The following TMEM168 variants were observed in gnomAD, a reference collection of about 807,000 sequenced individuals.
TMEM168 encodes transmembrane protein 168.
TMEM168 carries 40 observed loss-of-function variants against 53.2 expected under a neutral mutation model. That is an observed-to-expected ratio of 0.75 (90% confidence interval 0.58 to 0.98). The LOEUF (loss-of-function observed/expected upper bound fraction) is 0.98, where lower values mean the gene tolerates loss of function less well. TMEM168 is among the 50% of genes least tolerant of loss of function. TMEM168 has a pLI of 0.00. For missense variants in TMEM168, 771 were observed against 828.8 expected (o/e 0.93, Z 0.86); for synonymous variants, 282 against 293.0 (o/e 0.96, Z 0.38).
At chr7:112,780,085 G>A (rs1219945017) in intron 2 of TMEM168, among the ~76,000 whole-genome samples, 1 of 152,174 alleles carries the variant, frequency 6.6e-6, no homozygotes, top group Non-Finnish European at 1.5e-5. Flanking sequence ...TAATTTTAAA[G>A]TCAAATGACT....
rs1197810254 is a variant in TMEM168, at chr7:112,784,722, T to C, written c.104A>G (p.Tyr35Cys). 1 of 1,614,006 alleles carries C rather than the reference T, an allele frequency of 6.2e-7. No homozygotes were observed. The highest frequency in any genetic ancestry group is 8.5e-7 in the Non-Finnish European group (1 of 1,179,988). The stretch of plus-strand genomic sequence containing the variant: ...ATTGATTCTGGCTAAATAGCCAAGA[T>C]ACCGCACTGAAGAATGCATGTTCAC... ...REVNMHSSVR[Y>C]LGYLARINLL... Residue 35 changes from tyrosine (Y) to cysteine (C), a missense_variant, in exon 2 of 5, where the codon TAT becomes TGT. Physicochemically the swap from Tyr to Cys is radical, Grantham distance 194. Coordinates refer to ENST00000312814, the MANE Select transcript of TMEM168 (RefSeq NM_022484.6).
chr7:112,767,695 C>A lies in TMEM168; in HGVS notation c.1596G>T (p.Lys532Asn). The change falls in exon 5 of 5, where the codon AAG becomes AAT. Residue 532 changes from lysine (K) to asparagine (N), a missense_variant. By Grantham distance (94) the Lys-to-Asn change is moderately conservative (BLOSUM62 0). Coordinates refer to ENST00000312814, the MANE Select transcript of TMEM168 (RefSeq NM_022484.6). The stretch of plus-strand genomic sequence containing the variant: ...TAAGCCGGGAACAAAAGGAACCATT[C>A]TTTTCTCTCCACCATTCTATAAGTG... ...LDTLIEWWRE[K>N]NGSFCSRLII... 6.2e-7 allele frequency: 1 copy of A among 1,613,854 alleles called. No individual in the cohort carries two copies. Among genetic ancestry groups the A allele is most frequent in the Non-Finnish European group, 8.5e-7 (1 of 1,179,942 alleles).
At position 112,783,899 on chromosome 7, in the gene TMEM168, A is replaced by T; in HGVS notation, c.927T>A (p.His309Gln). 1 of 1,597,530 alleles carries T rather than the reference A, an allele frequency of 6.3e-7. No homozygotes were observed. The highest frequency in any genetic ancestry group is 2.2e-5 in the East Asian group (1 of 44,782). ...SIFGIFWMICHIIFLLTLWGF... is the reference protein window; with the variant it reads ...SIFGIFWMICQIIFLLTLWGF... ...CCCAAAGAGTTAAAAGAAAAATAATATGACAAATCATCCAGAAAATTCCAA... is the reference window on the plus strand; with the variant it reads ...CCCAAAGAGTTAAAAGAAAAATAATTTGACAAATCATCCAGAAAATTCCAA... Residue 309 changes from histidine (H) to glutamine (Q), a missense_variant, in exon 2 of 5, where the codon CAT (histidine) becomes CAA (glutamine). By Grantham distance (24) the His-to-Gln change is conservative. Coordinates refer to ENST00000312814, the MANE Select transcript of TMEM168 (RefSeq NM_022484.6).
rs1793510977 is a variant in TMEM168 at position 112,790,226 on chromosome 7, AAGG to A, written c.-198_-196del. On this transcript the variant is annotated 5_prime_UTR_variant, in exon 1 of 5. Coordinates refer to ENST00000312814, the MANE Select transcript of TMEM168 (RefSeq NM_022484.6). Reference sequence around the variant, plus strand: ...GAGTCAGTTCCAAAACCAAACCAAAAAGGAGGAGAGCAGACAAGGCTTCAGCCT... The same window carrying A: ...GAGTCAGTTCCAAAACCAAACCAAAAAGGAGAGCAGACAAGGCTTCAGCCT... 6.6e-6 allele frequency: 1 copy of A among 152,640 alleles called. No homozygotes were observed. The highest frequency in any genetic ancestry group is 2.4e-5 in the African/African-American group (1 of 41,580). The allele number at this position is 152,640 out of a possible 1,614,324, so 9.5% of individuals were successfully genotyped here. A position where few individuals can be genotyped will look rare whatever the true frequency, so the allele number is the denominator to read the frequency against.
In TMEM168 at chr7:112,775,227, A is replaced by C; in HGVS notation, c.1220T>G (p.Leu407Ter). 3 of 1,613,788 alleles carry C rather than the reference A, an allele frequency of 1.9e-6. No homozygotes were observed. The highest frequency in any genetic ancestry group is 2.2e-5 in the South Asian group (2 of 91,044). The change falls in exon 3 of 5, where the codon TTA (leucine) becomes TGA (stop). Residue 407 changes from leucine (L) to a stop codon, truncating the protein, a stop_gained. Coordinates refer to ENST00000312814, the MANE Select transcript of TMEM168 (RefSeq NM_022484.6). LOFTEE classifies it high-confidence loss of function. ...HGLFHELGNC[L>*]GGTSVGYAIV... is the part of the protein sequence containing the mutation. ...AGCATATCCAACAGATGTTCCTCCT[A>C]AACAGTTACCCAATTCATGGAAGAG...
Position 112,775,223 on chromosome 7 carries a change from T to G in TMEM168, c.1224A>C (p.Gly408=). 6.2e-7 allele frequency: 1 copy of G among 1,613,768 alleles called. No homozygotes were observed. The highest frequency in any genetic ancestry group is 2.2e-5 in the East Asian group (1 of 44,800). ...GLFHELGNCL[G]GTSVGYAIVI... ...CAATAGCATATCCAACAGATGTTCC[T>G]CCTAAACAGTTACCCAATTCATGGA... The change falls in exon 3 of 5, where the codon GGA becomes GGC. Residue 408 remains glycine (G), a synonymous_variant. Transcript: ENST00000312814.
chr7:112,784,434 A>G lies in TMEM168; in HGVS notation c.392T>C (p.Ile131Thr). 2 of 1,614,062 alleles carry G rather than the reference A, an allele frequency of 1.2e-6. No individual in the cohort carries two copies. Among genetic ancestry groups the G allele is most frequent in the Non-Finnish European group, 1.7e-6 (2 of 1,179,984 alleles). ...ESTKYLLLTS[I>T]VLRILCSLVE... ...CAGAGAGCACAATATCCTTAACACT[A>G]TGGATGTTAGAAGCAAATATTTGGT... Residue 131 changes from isoleucine (I) to threonine (T), a missense_variant, in exon 2 of 5, where the codon ATA becomes ACA. Coordinates refer to ENST00000312814, the MANE Select transcript of TMEM168 (RefSeq NM_022484.6).
At chr7:112,776,048 A>T (rs948019479) in intron 2 of TMEM168, among the ~76,000 whole-genome samples, 19 of 151,862 alleles carry the variant, frequency 1.3e-4, no homozygotes, top group African/African-American at 4.6e-4. Context: ...AGTCACTTGA[A>T]CATACCTTTA....
At chr7:112,779,408 G>A (rs1457290432) in intron 2 of TMEM168, among the ~76,000 whole-genome samples, 1 of 152,170 alleles carries the variant, frequency 6.6e-6, no homozygotes, top group Non-Finnish European at 1.5e-5. Flanking sequence ...TGTTTTGTCT[G>A]CTTGCCACTT....
chr7:112,767,729 C>T lies in TMEM168; in HGVS notation c.1562G>A (p.Arg521His), dbSNP rs746902602. The T allele has an allele frequency of 1.1e-5, 18 of 1,610,260 alleles. No individual in the cohort carries two copies. The highest frequency in any genetic ancestry group is 8.9e-5 in the East Asian group (4 of 44,878). ...CCACCATTCTATAAGTGTGTCAAGG[C>T]GTAGTGTATCTCCACCTGTGAACAA... ...EWALAGGDTLRLDTLIEWWRE... is the reference protein window; with the variant it reads ...EWALAGGDTLHLDTLIEWWRE... Residue 521 changes from arginine (R) to histidine (H), a missense_variant, in exon 5 of 5, where the codon CGC (arginine) becomes CAC (histidine). By Grantham distance (29) the Arg-to-His change is conservative. Coordinates refer to ENST00000312814, the MANE Select transcript of TMEM168 (RefSeq NM_022484.6).
At position 112,770,179 on chromosome 7, in the gene TMEM168, G is replaced by A. The variant is rs138136577; in HGVS notation, c.1547-2435C>T. On this transcript the variant is annotated intron_variant, in intron 4 of 4. Coordinates refer to ENST00000312814, the MANE Select transcript of TMEM168 (RefSeq NM_022484.6). ...TATTTGTGAGGCAGAATCAGCCCTT[G>A]AGGACTACGTCTAAAGCAGGCCAGG... is the stretch of plus-strand genomic sequence containing the variant. Among the ~76,000 whole-genome samples, 54 of 152,314 alleles carry A rather than the reference G, an allele frequency of 3.5e-4. 3 individuals are homozygous for A. In the East Asian group the frequency reaches 9.6e-3, roughly 27 times the overall value.
At chr7:112,780,940 T>C (rs1477174482) in intron 2 of TMEM168, among the ~76,000 whole-genome samples, 1 of 86,476 alleles carries the variant, frequency 1.2e-5, no homozygotes, top group African/African-American at 6.2e-5. Context: ...ACATGATCCG[T>C]ATCAAAAAAA....
intron 2 of TMEM168, among the ~76,000 whole-genome samples, chr7:112,779,526 A>G (rs1793175681): frequency 6.6e-6 from 1 of 152,216 alleles, no homozygotes; most frequent in Admixed American, 6.5e-5. Flanking sequence ...CAAGTAACAA[A>G]TAAGATCAAT....
At chr7:112,789,227 A>G (rs1793475853) in intron 1 of TMEM168, among the ~76,000 whole-genome samples, 1 of 152,110 alleles carries the variant, frequency 6.6e-6, no homozygotes, top group Non-Finnish European at 1.5e-5. Flanking sequence ...TTAAGAGATT[A>G]TCCCTGCCCC....
At chr7:112,775,051 T>C (rs974653112) in intron 3 of TMEM168, 125 bp downstream of exon 3, 3 of 738,800 alleles carry the variant, frequency 4.1e-6, no homozygotes, top group Non-Finnish European at 5.8e-6. Context: ...TGTTAAAAAT[T>C]TGGAAGAAAT....
In TMEM168 at chr7:112,763,731, G is replaced by A. The variant is rs916879086; in HGVS notation, c.*3466C>T. 3.9e-5 allele frequency: 6 copies of A among 151,992 alleles called. No individual in the cohort carries two copies. The highest frequency in any genetic ancestry group is 5.9e-5 in the Non-Finnish European group (4 of 67,974). The allele number at this position is 151,992 out of a possible 1,614,324, so 9.4% of individuals were successfully genotyped here. ...ACATATAAAAAAGCAGTACCCAAGA[G>A]TAAATATGTTTGAGCCCAAAATTAC... On this transcript the variant is annotated 3_prime_UTR_variant, in exon 5 of 5. Coordinates refer to ENST00000312814, the MANE Select transcript of TMEM168 (RefSeq NM_022484.6).
At chr7:112,774,358 C>CAT (rs1554365508) in intron 3 of TMEM168, among the ~76,000 whole-genome samples, 1 of 117,278 alleles carries the variant, frequency 8.5e-6, no homozygotes, top group Non-Finnish European at 1.8e-5. Context: ...AGTGTTTTTA[C>CAT]ATTTTTTTTT....
intron 4 of TMEM168, 129 bp from the exon 5 acceptor site, chr7:112,767,873 T>A: frequency 1.4e-6 from 1 of 698,128 alleles, no homozygotes; most frequent in Non-Finnish European, 2.1e-6. Context: ...GTTCTTAGAA[T>A]TAAATAAGCA....
chr7:112,776,166 G>A (rs1027875899), intron 2 of TMEM168, among the ~76,000 whole-genome samples: 3 of 148,190 alleles, frequency 2.0e-5, no homozygotes, highest in African/African-American at 5.0e-5. Context: ...CTATAAAAAC[G>A]AATTCCGTTT....
Sources: gnomAD v4.1 joint callset for allele counts (sites outside exome capture counted in the v4.1 genomes callset) on GRCh38, gnomAD v4.1.1 for gene constraint, MANE v1.5 for transcripts, NCBI Gene and HGNC (gene_info 2026-07-23, HGNC 2026-07-21) for gene names.